Variants in PLCB1 observed in about 807,000 individuals in gnomAD.
PLCB1 encodes phospholipase C beta 1.
Under a neutral mutation model 161.8 loss-of-function variants are expected in PLCB1, and 46 were observed. That is an observed-to-expected ratio of 0.28 (90% CI 0.22 to 0.36). The LOEUF is 0.36. Ranked by LOEUF, PLCB1 falls within the 10% of genes least tolerant of loss-of-function variation. The probability of loss-of-function intolerance (pLI) is 1.00; values close to 1 mark genes in which losing one functional copy is unlikely to be tolerated. For missense variants in PLCB1, 1,016 were observed against 1,472.5 expected, an observed-to-expected ratio of 0.69 and a Z score of 5.07; for synonymous variants, 517 against 503.7, an observed-to-expected ratio of 1.03 and a Z score of -0.35.
At chr20:8,605,803 C>T (rs1987740881) in intron 3 of PLCB1, among the ~76,000 whole-genome samples, 1 of 151,950 alleles carries the variant, frequency 6.6e-6, no homozygotes, top group Non-Finnish European at 1.5e-5. Flanking sequence ...TCTCATCCTC[C>T]CCACATGAGG....
intron 23 of PLCB1, among the ~76,000 whole-genome samples, chr20:8,755,510 C>T (rs1407492071): frequency 6.6e-6 from 1 of 152,052 alleles, no homozygotes; most frequent in Non-Finnish European, 1.5e-5. Flanking sequence ...TATTGAAAAG[C>T]AACATTAAAA....
rs6055947 is a variant in PLCB1 at position 8,611,386 on chromosome 20, C to T, written c.247-16908C>T. 8.0e-3 allele frequency among the ~76,000 whole-genome samples: 1,214 copies of T among 152,112 alleles called. 16 individuals carry two copies. The highest frequency in any genetic ancestry group is 0.028 in the African/African-American group (1,148 of 41,528). On this transcript the variant is annotated intron_variant, in intron 3 of 31. Coordinates refer to ENST00000338037, the MANE Select transcript of PLCB1 (RefSeq NM_015192.4). ...TCTTAAGTAAGGTTTAAAATTAAAACGACATCAGTAATTGTTAATAAAGGG... is the reference window on the plus strand; with the variant it reads ...TCTTAAGTAAGGTTTAAAATTAAAATGACATCAGTAATTGTTAATAAAGGG...
intron 25 of PLCB1, 49 bp from the exon 26 acceptor site, chr20:8,765,089 TG>T: frequency 7.0e-7 from 1 of 1,425,054 alleles, no homozygotes; most frequent in Non-Finnish European, 9.7e-7. Flanking sequence ...TCTTTCCATC[TG>T]GATGTTCAGC....
chr20:8,576,795 G>C (rs1187109190), intron 3 of PLCB1, among the ~76,000 whole-genome samples: 2 of 152,140 alleles, frequency 1.3e-5, no homozygotes, highest in African/African-American at 4.8e-5. Context: ...TATATTGTAA[G>C]ATATTAAAAC....
chr20:8,252,073 T>C (rs2123224852), intron 2 of PLCB1, among the ~76,000 whole-genome samples: 1 of 151,908 alleles, frequency 6.6e-6, no homozygotes, highest in Admixed American at 6.6e-5. Flanking sequence ...AAGTAAGACG[T>C]ATGAGTGATG....
At chr20:8,612,259 G>C (rs1403662381) in intron 3 of PLCB1, among the ~76,000 whole-genome samples, 1 of 152,266 alleles carries the variant, frequency 6.6e-6, no homozygotes, top group African/African-American at 2.4e-5. Context: ...TATGGTATTG[G>C]TAGAGCTCCT....
intron 2 of PLCB1, among the ~76,000 whole-genome samples, chr20:8,323,030 G>T (rs945147517): frequency 5.9e-5 from 9 of 152,146 alleles, no homozygotes; most frequent in Non-Finnish European, 1.0e-4. Flanking sequence ...CCGATCTCCA[G>T]CTCACAGAAT....
At chr20:8,269,794 T>C (rs1289187619) in intron 2 of PLCB1, among the ~76,000 whole-genome samples, 2 of 152,178 alleles carry the variant, frequency 1.3e-5, no homozygotes, top group African/African-American at 2.4e-5. Flanking sequence ...TCCTGAATGC[T>C]ACTTCAGGCA....
At chr20:8,520,206 G>T (rs774286854) in intron 3 of PLCB1, among the ~76,000 whole-genome samples, 6 of 152,066 alleles carry the variant, frequency 3.9e-5, no homozygotes, top group African/African-American at 9.7e-5. Flanking sequence ...AAAGCTCTTG[G>T]TAAAAACAAC....
intron 3 of PLCB1, among the ~76,000 whole-genome samples, chr20:8,482,916 CTT>C (rs965270385): frequency 6.7e-6 from 1 of 149,836 alleles, no homozygotes; most frequent in African/African-American, 2.5e-5. Flanking sequence ...TTTTTAACCT[CTT>C]TTTCTAAATG....
intron 23 of PLCB1, among the ~76,000 whole-genome samples, chr20:8,755,989 G>C (rs555821776): frequency 6.6e-6 from 1 of 152,310 alleles, no homozygotes; most frequent in African/African-American, 2.4e-5. Flanking sequence ...CAAGGTGATG[G>C]CTTTTGCAGA....
intron 2 of PLCB1, among the ~76,000 whole-genome samples, chr20:8,202,276 A>C (rs1427193354): frequency 2.0e-5 from 3 of 146,410 alleles, no homozygotes; most frequent in African/African-American, 7.6e-5. Context: ...GGGGTTTCCC[A>C]TGTTGGCTAG....
At chr20:8,225,000 T>C (rs983489649) in intron 2 of PLCB1, among the ~76,000 whole-genome samples, 4 of 152,168 alleles carry the variant, frequency 2.6e-5, no homozygotes, top group Non-Finnish European at 5.9e-5. Context: ...GAAAGTATAG[T>C]GAACCCTAAT....
In PLCB1 at chr20:8,847,367, C is replaced by T. The variant is rs73605754; in HGVS notation, c.3424-34255C>T. Among the ~76,000 whole-genome samples the T allele has an allele frequency of 8.7e-3, 1,325 of 152,298 alleles. 22 individuals are homozygous for T. The highest frequency in any genetic ancestry group is 0.03 in the African/African-American group (1,235 of 41,568). On this transcript the variant is annotated intron_variant, in intron 31 of 31. Transcript: ENST00000338037. ...AATTAGACACACATCCAAGATCTGT[C>T]CTTACTCCCTTTCAAACACCCAGCC...
chr20:8,465,320 G>A (rs538287523), intron 3 of PLCB1, among the ~76,000 whole-genome samples: 1 of 152,226 alleles, frequency 6.6e-6, no homozygotes, highest in African/African-American at 2.4e-5. Flanking sequence ...TATGATGCAA[G>A]CCATAAACTC....
chr20:8,539,693 T>TTTCC (rs11471768), intron 3 of PLCB1, among the ~76,000 whole-genome samples: 73,789 of 100,994 alleles, frequency 0.73, 28,445 homozygotes, highest in Admixed American at 0.8. Flanking sequence ...TCTTTTTCTT[T>TTTCC]TTCCTTCCTT....
chr20:8,269,810 C>A (rs2074127529), intron 2 of PLCB1, among the ~76,000 whole-genome samples: 1 of 151,240 alleles, frequency 6.6e-6, no homozygotes, highest in African/African-American at 2.4e-5. Flanking sequence ...AGGCATATGG[C>A]AAAATAAACT....
Position 8,685,065 on chromosome 20 carries a change from C to T in PLCB1, c.996C>T (p.Asn332=). The stretch of plus-strand genomic sequence containing the variant: ...ACTATTTCATTAATTCCTCGCACAA[C>T]ACCTACCTCACAGGTATGAATTTTC... The part of the protein sequence containing the change: ...LSHYFINSSH[N]TYLTAGQLAG... The change falls in exon 10 of 32, where the codon AAC becomes AAT. Residue 332 remains asparagine (N), a synonymous_variant. Transcript: ENST00000338037. 2 of 1,613,738 alleles carry T rather than the reference C, an allele frequency of 1.2e-6. No homozygotes were observed. The highest frequency in any genetic ancestry group is 1.3e-5 in the African/African-American group (1 of 75,014).
rs148873528 is a variant in PLCB1 at position 8,184,729 on chromosome 20, A to G, written c.177+34358A>G. Among the ~76,000 whole-genome samples, 254 of 150,616 alleles carry G rather than the reference A, an allele frequency of 1.7e-3. 4 individuals carry two copies. Among genetic ancestry groups the G allele is most frequent in the East Asian group, 4.5e-3 (23 of 5,150 alleles). ...TAACCACACTGAGTTTCCATTTCTT[A>G]CCTATCAGATTGTCAACATTTCGAA... On this transcript the variant is annotated intron_variant, in intron 2 of 31. Coordinates refer to ENST00000338037, the MANE Select transcript of PLCB1 (RefSeq NM_015192.4).
Sources: gnomAD v4.1 joint callset for allele counts (sites outside exome capture counted in the v4.1 genomes callset) on GRCh38, gnomAD v4.1.1 for gene constraint, MANE v1.5 for transcripts, NCBI Gene and HGNC (gene_info 2026-07-23, HGNC 2026-07-21) for gene names.